The following DOP1A variants were observed in gnomAD, a reference collection of about 807,000 sequenced individuals.
DOP1A encodes protein DOP1A.
DOP1A carries 90 observed loss-of-function variants against 267.6 expected under a neutral mutation model. The ratio of observed to expected loss-of-function variants is 0.34; its 90% CI spans 0.28 to 0.40. DOP1A has a LOEUF of 0.40. DOP1A is among the 10% of genes least tolerant of loss of function. The pLI, the probability that DOP1A is intolerant of heterozygous loss-of-function variation, is 1.00. For synonymous variants in DOP1A, 932 were observed against 999.1 expected (o/e 0.93, Z 1.27); for missense variants, 2,437 against 2,900.4 (o/e 0.84, Z 3.67).
chr6:83,162,707 ATCTT>A, intron 37 of DOP1A, 79 bp from the exon 38 acceptor site: 1 of 1,437,800 alleles, frequency 7.0e-7, no homozygotes, highest in Non-Finnish European at 9.3e-7. Flanking sequence ...TGGGGTCATG[ATCTT>A]TCTACTACAT....
At chr6:83,111,241 C>T (rs575359273) in intron 6 of DOP1A, among the ~76,000 whole-genome samples, 14 of 152,158 alleles carry the variant, frequency 9.2e-5, no homozygotes, top group East Asian at 3.9e-4. Flanking sequence ...TGAGCCACTG[C>T]GCCTGGCTTG....
At chr6:83,124,893 C>A in intron 13 of DOP1A, 74 bp downstream of exon 13, 2 of 1,160,242 alleles carry the variant, frequency 1.7e-6, no homozygotes, top group Non-Finnish European at 2.5e-6. Context: ...TGTAGGCAAG[C>A]CTTCAGATAC....
chr6:83,114,660 A>T (rs983952344), intron 7 of DOP1A, among the ~76,000 whole-genome samples: 3 of 152,198 alleles, frequency 2.0e-5, no homozygotes, highest in Non-Finnish European at 4.4e-5. Context: ...CTGAGGAATT[A>T]AGTCATAGTA....
chr6:83,141,470 T>C lies in DOP1A; in HGVS notation c.5416-451T>C, dbSNP rs114039674. Among the ~76,000 whole-genome samples the C allele has an allele frequency of 4.5e-3, 682 of 152,246 alleles. 4 individuals are homozygous for C. The highest frequency in any genetic ancestry group is 0.015 in the African/African-American group (621 of 41,550). On this transcript the variant is annotated intron_variant, in intron 23 of 38. Transcript: ENST00000349129. ...TGGATCAGGGATCCAAGGGAACACA[T>C]AGGGAAGTGGGAAAAGGGTAAGGGT...
intron 4 of DOP1A, among the ~76,000 whole-genome samples, chr6:83,106,562 C>G (rs1039101438): frequency 1.2e-4 from 19 of 152,006 alleles, no homozygotes; most frequent in Admixed American, 9.2e-4. Context: ...GTAATCCCAG[C>G]ACTTTGGGAG....
At chr6:83,150,293 G>A (rs191183503) in intron 27 of DOP1A, among the ~76,000 whole-genome samples, 160 of 152,160 alleles carry the variant, frequency 1.1e-3, no homozygotes, top group Non-Finnish European at 1.9e-3. Context: ...TTCAGAGAGG[G>A]AATGTATGTA....
chr6:83,072,091 CTGAGA>C (rs1785712772), intron 1 of DOP1A, among the ~76,000 whole-genome samples: 1 of 152,046 alleles, frequency 6.6e-6, no homozygotes, highest in African/African-American at 2.4e-5. Context: ...CTTTTTCCTC[CTGAGA>C]TGACACCTTC....
At chr6:83,109,160 C>A in intron 5 of DOP1A, 80 bp downstream of exon 5, 1 of 1,280,710 alleles carries the variant, frequency 7.8e-7, no homozygotes, top group Non-Finnish European at 1.1e-6. Flanking sequence ...TATGTTTTAA[C>A]ATCACAAATG....
At chr6:83,086,136 C>T (rs1769188745) in intron 1 of DOP1A, among the ~76,000 whole-genome samples, 1 of 152,080 alleles carries the variant, frequency 6.6e-6, no homozygotes, top group African/African-American at 2.4e-5. Context: ...AAGGCTGACC[C>T]ATGAATCGAA....
At chr6:83,155,084 A>G (rs1454179059) in intron 33 of DOP1A, among the ~76,000 whole-genome samples, 1 of 152,146 alleles carries the variant, frequency 6.6e-6, no homozygotes, top group Admixed American at 6.5e-5. Context: ...AATAACAGCT[A>G]AATAGCTCAT....
chr6:83,132,536 A>T (rs112454372), intron 18 of DOP1A, among the ~76,000 whole-genome samples: 18 of 152,306 alleles, frequency 1.2e-4, no homozygotes, highest in African/African-American at 3.8e-4. Context: ...CATCAGTAAT[A>T]TGAAAAATTA....
In DOP1A at chr6:83,138,472, A is replaced by G. The variant is rs1328519881; in HGVS notation, c.4430A>G (p.Gln1477Arg). 1 of 1,613,202 alleles carries G rather than the reference A, an allele frequency of 6.2e-7. No individual in the cohort carries two copies. The highest frequency in any genetic ancestry group is 2.2e-5 in the East Asian group (1 of 44,876). ...CCAACTCATGTCAAGGTTACTGCAC[A>G]AGATTTAATAGGCAATCGAAACATG... Reference protein sequence around the residue: ...HYPTHVKVTAQDLIGNRNMQM... With the variant: ...HYPTHVKVTARDLIGNRNMQM... The change falls in exon 21 of 39, where the codon CAA becomes CGA. Residue 1477 changes from glutamine to arginine, a missense_variant. By Grantham distance (43) the Gln-to-Arg change is conservative. Around this residue, in one of 9 missense-constraint regions of DOP1A, gnomAD observed 878 missense variants for 992.9 expected, o/e 0.88. Transcript: ENST00000349129.
intron 23 of DOP1A, 152 bp downstream of exon 23, chr6:83,140,555 G>A (rs111957137): frequency 1.2e-4 from 80 of 669,498 alleles, no homozygotes; most frequent in African/African-American, 1.1e-3. Context: ...TATGGCTGAC[G>A]TATCATAGAA....
intron 12 of DOP1A, among the ~76,000 whole-genome samples, 185 bp from the exon 13 acceptor site, chr6:83,124,520 A>G (rs1467322900): frequency 6.6e-6 from 1 of 152,142 alleles, no homozygotes; most frequent in Non-Finnish European, 1.5e-5. Flanking sequence ...CAGCCTAGGA[A>G]TCTTGCTTTG....
chr6:83,123,364 A>G (rs1345508562), intron 12 of DOP1A, among the ~76,000 whole-genome samples: 1 of 152,074 alleles, frequency 6.6e-6, no homozygotes, highest in Non-Finnish European at 1.5e-5. Context: ...TTGTGTTTTT[A>G]AAGCCATTAG....
At chr6:83,149,074 A>G (rs576612235) in intron 27 of DOP1A, among the ~76,000 whole-genome samples, 2 of 151,926 alleles carry the variant, frequency 1.3e-5, no homozygotes, top group East Asian at 3.9e-4. Context: ...GTTTATACAT[A>G]TACAAAATGT....
chr6:83,156,508 C>T (rs1782827096), intron 34 of DOP1A, among the ~76,000 whole-genome samples: 1 of 152,118 alleles, frequency 6.6e-6, no homozygotes, highest in Admixed American at 6.5e-5. Flanking sequence ...AATTTGGGGA[C>T]TGCATGGGGG....
intron 1 of DOP1A, among the ~76,000 whole-genome samples, chr6:83,095,602 C>A (rs921334804): frequency 6.6e-6 from 1 of 152,206 alleles, no homozygotes; most frequent in East Asian, 1.9e-4. Flanking sequence ...TAAGTAGAAC[C>A]TTAATTCAAT....
At chr6:83,131,280 A>G (rs1330703778) in intron 17 of DOP1A, among the ~76,000 whole-genome samples, 1 of 152,148 alleles carries the variant, frequency 6.6e-6, no homozygotes, top group African/African-American at 2.4e-5. Context: ...ATCTGATTTC[A>G]AGTCATTGTG....
Sources: gnomAD v4.1 joint callset for allele counts (sites outside exome capture counted in the v4.1 genomes callset) on GRCh38, gnomAD v4.1.1 for gene constraint, gnomAD v4.1.1 regional missense constraint, MANE v1.5 for transcripts, NCBI Gene and HGNC (gene_info 2026-07-23, HGNC 2026-07-21) for gene names.